Variants in IL4R observed in about 807,000 individuals in gnomAD.
The protein encoded by IL4R is interleukin-4 receptor subunit alpha.
Under a neutral mutation model 41.5 loss-of-function variants are expected in IL4R, and 17 were observed. The ratio of observed to expected loss-of-function variants is 0.41; its 90% CI spans 0.28 to 0.61. IL4R has a LOEUF of 0.61. Among genes scored for constraint, IL4R ranks in the 20% least tolerant of loss-of-function variants. The pLI, the probability that IL4R is intolerant of heterozygous loss-of-function variation, is 0.31. For missense variants in IL4R, 974 were observed against 1,043.1 expected (o/e 0.93, Z 0.91); for synonymous variants, 402 against 422.9 (o/e 0.95, Z 0.61).
chr16:27,328,646 A>C (rs1227549214), intron 1 of IL4R, among the ~76,000 whole-genome samples: 2 of 152,214 alleles, frequency 1.3e-5, no homozygotes, highest in Admixed American at 1.3e-4. Context: ...AGCAGTGAGC[A>C]CAGCAGACAT....
intron 1 of IL4R, among the ~76,000 whole-genome samples, chr16:27,321,232 C>T (rs1483657670): frequency 6.6e-6 from 1 of 152,174 alleles, no homozygotes; most frequent in Non-Finnish European, 1.5e-5. Context: ...GTGTGAGCCA[C>T]CGTGCCCAGC....
Position 27,344,856 on chromosome 16 carries a change from CCT to C in IL4R, c.210-12_210-11del. The C allele has an allele frequency of 3.1e-6, 5 of 1,613,898 alleles. No homozygotes were observed. Among genetic ancestry groups the C allele is most frequent in the South Asian group, 1.1e-5 (1 of 91,060 alleles). ...TACAGGTGACCAGCCTAACCCAGCC[CCT>C]GTGTCTGCAGAGCCCACACGTGTAT... is the stretch of plus-strand genomic sequence containing the variant. On this transcript the variant is annotated splice_polypyrimidine_tract_variant and intron_variant, in intron 4 of 10. Transcript: ENST00000395762.
intron 1 of IL4R, among the ~76,000 whole-genome samples, chr16:27,325,830 C>T (rs1033450775): frequency 3.3e-5 from 5 of 152,062 alleles, no homozygotes; most frequent in South Asian, 2.1e-4. Flanking sequence ...CTTCCCTGAG[C>T]GCCTGCTAAC....
At chr16:27,358,588 C>A (rs552361643) in intron 8 of IL4R, among the ~76,000 whole-genome samples, 1 of 152,192 alleles carries the variant, frequency 6.6e-6, no homozygotes, top group Non-Finnish European at 1.5e-5. Context: ...TTTCCTAATC[C>A]CCTGGGGTCT....
At chr16:27,326,460 A>G (rs1385514631) in intron 1 of IL4R, among the ~76,000 whole-genome samples, 1 of 152,106 alleles carries the variant, frequency 6.6e-6, no homozygotes, top group African/African-American at 2.4e-5. Context: ...TGATTGTGCC[A>G]TAGCACTCCA....
chr16:27,314,059 G>A, intron 1 of IL4R, 39 bp downstream of exon 1: 1 of 985,070 alleles, frequency 1.0e-6, no homozygotes, highest in Non-Finnish European at 1.2e-6. Context: ...GGTTGCGAAG[G>A]TATCGCCCGG....
intron 2 of IL4R, among the ~76,000 whole-genome samples, chr16:27,338,803 G>C (rs565482684): frequency 6.6e-6 from 1 of 152,130 alleles, no homozygotes; most frequent in Non-Finnish European, 1.5e-5. Flanking sequence ...CTAGTGTCGT[G>C]ATCTTGGACT....
chr16:27,314,839 A>G (rs1208385435), intron 1 of IL4R, among the ~76,000 whole-genome samples: 1 of 152,136 alleles, frequency 6.6e-6, no homozygotes, highest in Non-Finnish European at 1.5e-5. Context: ...CAGGAATCTG[A>G]TCTTTATTTT....
intron 9 of IL4R, chr16:27,359,890 G>A: frequency 2.2e-6 from 1 of 450,730 alleles, no homozygotes; most frequent in Non-Finnish European, 4.5e-6. Flanking sequence ...TGCTTCTGCA[G>A]GCTGGCATTT....
At chr16:27,314,922 C>A (rs2084594331) in intron 1 of IL4R, among the ~76,000 whole-genome samples, 1 of 152,186 alleles carries the variant, frequency 6.6e-6, no homozygotes, top group Non-Finnish European at 1.5e-5. Flanking sequence ...GATCCTCCCA[C>A]CTCGGCCTCC....
intron 4 of IL4R, among the ~76,000 whole-genome samples, chr16:27,344,539 T>G (rs912230957): frequency 2.0e-5 from 3 of 152,096 alleles, no homozygotes; most frequent in African/African-American, 7.2e-5. Context: ...ATGCAGAGCT[T>G]ATGTTGTTCT....
intron 1 of IL4R, among the ~76,000 whole-genome samples, chr16:27,322,943 C>G (rs928384382): frequency 1.3e-5 from 2 of 152,092 alleles, no homozygotes; most frequent in Non-Finnish European, 2.9e-5. Flanking sequence ...CCCACCGAGT[C>G]AGGTTGGAGC....
chr16:27,356,275 T>A (rs1480837012), intron 8 of IL4R, among the ~76,000 whole-genome samples: 1 of 151,908 alleles, frequency 6.6e-6, no homozygotes, highest in African/African-American at 2.4e-5. Flanking sequence ...GTATTTTTGG[T>A]AGAGATGGGG....
intron 1 of IL4R, among the ~76,000 whole-genome samples, chr16:27,329,789 G>A (rs1050748532): frequency 1.3e-5 from 2 of 152,006 alleles, no homozygotes; most frequent in Non-Finnish European, 2.9e-5. Context: ...TCATTAATCT[G>A]ATTAGAGATA....
At chr16:27,340,342 A>T (rs879232981) in intron 3 of IL4R, 69 bp downstream of exon 3, 1 of 1,192,008 alleles carries the variant, frequency 8.4e-7, no homozygotes, top group South Asian at 1.2e-5. Flanking sequence ...GCAGTATGTC[A>T]CCTGGCCTTA....
At chr16:27,357,476 T>G (rs1478284759) in intron 8 of IL4R, among the ~76,000 whole-genome samples, 17 of 152,164 alleles carry the variant, frequency 1.1e-4, no homozygotes. Flanking sequence ...TTTAATTTTA[T>G]TTTTTGGGAC....
chr16:27,350,604 G>T (rs541364611), intron 6 of IL4R, among the ~76,000 whole-genome samples: 2 of 152,240 alleles, frequency 1.3e-5, no homozygotes, highest in South Asian at 2.1e-4. Context: ...CCTGGATCTC[G>T]CAGGGAGAGG....
In IL4R at chr16:27,346,480, C is replaced by T. The variant is rs1259429193; in HGVS notation, c.375C>T (p.Ala125=). Residue 125 remains alanine, a synonymous_variant, in exon 6 of 11, where the codon GCC becomes GCT. Transcript: ENST00000395762. The part of the protein sequence containing the change: ...FKPSEHVKPR[A]PGNLTVHTNV... ...CTTCTCCCGCAGTGAAACCCAGGGC[C>T]CCAGGAAACCTGACAGTTCACACCA... 6 of 1,613,974 alleles carry T rather than the reference C, an allele frequency of 3.7e-6. No homozygotes were observed. In the African/African-American group the frequency reaches 5.3e-5, roughly 14 times the overall value.
chr16:27,346,630 T>A lies in IL4R; in HGVS notation c.513+12T>A. 1.9e-6 allele frequency: 3 copies of A among 1,613,702 alleles called. No homozygotes were observed. On this transcript the variant is annotated intron_variant, in intron 6 of 10. Coordinates refer to ENST00000395762, the MANE Select transcript of IL4R (RefSeq NM_000418.4). The stretch of plus-strand genomic sequence containing the variant: ...ACGACCCGGCAGATGTGAGTGGGCA[T>A]GCTTTGACGTTTTTCTGTGACCTCT...
Sources: allele counts gnomAD v4.1 joint callset (sites outside exome capture counted in the v4.1 genomes callset), GRCh38; gene constraint gnomAD v4.1.1; transcripts MANE v1.5; gene names NCBI Gene and HGNC (gene_info 2026-07-23, HGNC 2026-07-21).